The following CCDC197 variants were observed in gnomAD, a reference collection of about 807,000 sequenced individuals.
CCDC197 encodes coiled-coil domain containing 197.
A neutral mutation model predicts 13.4 loss-of-function variants in CCDC197; 24 were observed. The ratio of observed to expected loss-of-function variants is 1.80; its 90% CI spans 1.30 to 2.53. The LOEUF (loss-of-function observed/expected upper bound fraction) is 2.53, where lower values mean the gene tolerates loss of function less well. CCDC197 is among the 30% of genes most tolerant of loss of function. The pLI is 0.00. For synonymous variants in CCDC197, 99 were observed against 55.5 expected (o/e 1.78, Z -3.48); for missense variants, 255 against 148.8 (o/e 1.71, Z -3.71).
chr14:94,001,233 G>A lies in CCDC197; in HGVS notation c.276G>A (p.Thr92=), dbSNP rs150523082. 67 of 780,910 alleles carry A rather than the reference G, an allele frequency of 8.6e-5. No homozygotes were observed. Among genetic ancestry groups the A allele is most frequent in the African/African-American group, 5.6e-4 (33 of 59,282 alleles). The allele number at this position is 780,910 out of a possible 1,614,324, so 48.4% of individuals were successfully genotyped here. Residue 92 remains threonine, a synonymous_variant, in exon 4 of 7, where the codon ACG becomes ACA. Coordinates refer to ENST00000636493, the MANE Select transcript of CCDC197 (RefSeq NM_001351596.2). ...YGKLFTASQD[T]QKRLEAFCQM... Reference sequence around the variant, plus strand: ...AGCTCTTCACAGCCAGCCAGGACACGCAGAAGCGCCTCGAGGCCTTCTGCC... The same window carrying A: ...AGCTCTTCACAGCCAGCCAGGACACACAGAAGCGCCTCGAGGCCTTCTGCC...
upstream of CCDC197, among the ~76,000 whole-genome samples, chr14:93,995,211 T>A (rs1019833498): frequency 1.2e-4 from 19 of 152,284 alleles, no homozygotes; most frequent in African/African-American, 4.6e-4. Flanking sequence ...GAGATGATGA[T>A]GAAGCTGCCT....
At position 94,008,337 on chromosome 14, in the gene CCDC197, G is replaced by A. The variant is rs116926437; in HGVS notation, c.616-272G>A. Among the ~76,000 whole-genome samples the A allele has an allele frequency of 3.2e-3, 492 of 152,314 alleles. 18 individuals carry two copies. The East Asian group carries it at 0.076, about 23-fold the overall frequency. On this transcript the variant is annotated intron_variant, in intron 6 of 6. Coordinates refer to ENST00000636493, the MANE Select transcript of CCDC197 (RefSeq NM_001351596.2). ...CTTCTTGGAAGAGGCAGTGAGAAGA[G>A]GCAGGCAACCACTTTCAGGAAGTCA...
Position 94,004,857 on chromosome 14 carries a change from T to G in CCDC197, c.501T>G (p.Asp167Glu). Residue 167 changes from aspartate (D) to glutamate (E), a missense_variant and splice_region_variant, in exon 6 of 7, where the codon GAT becomes GAG. Asp to Glu is a conservative substitution (Grantham distance 45, BLOSUM62 2). Transcript: ENST00000636493. ...CCTCCTCCTTCTCTTTCCTGCAGGA[T>G]CAGCTGCTCGGCTACATGCAAATGA... is the stretch of plus-strand genomic sequence containing the variant. ...FDTHTSSSYN[D>E]QLLGYMQMTI... is the part of the protein sequence containing the mutation. 1 of 702,926 alleles carries G rather than the reference T, an allele frequency of 1.4e-6. No individual in the cohort carries two copies. Among genetic ancestry groups the G allele is most frequent in the South Asian group, 1.5e-5 (1 of 67,572 alleles). The allele number at this position is 702,926 out of a possible 1,614,324, so 43.5% of individuals were successfully genotyped here.
At position 94,008,769 on chromosome 14, in the gene CCDC197, C is replaced by G. The variant is rs762294014; in HGVS notation, c.776C>G (p.Pro259Arg). Residue 259 changes from proline (P) to arginine (R), a missense_variant, in exon 7 of 7, where the codon CCC becomes CGC. Coordinates refer to ENST00000636493, the MANE Select transcript of CCDC197 (RefSeq NM_001351596.2). ...PRRRVSTPRT[P>R]FPSPHASECS... is the part of the protein sequence containing the mutation. ...AGGCGGGTTTCCACCCCCAGGACCC[C>G]CTTTCCCAGCCCCCATGCTTCAGAG... The G allele has an allele frequency of 7.1e-6, 5 of 702,544 alleles. No individual in the cohort carries two copies. The highest frequency in any genetic ancestry group is 1.3e-5 in the Non-Finnish European group (5 of 385,016). The allele number at this position is 702,544 out of a possible 1,614,324, so 43.5% of individuals were successfully genotyped here. A position where few individuals can be genotyped will look rare whatever the true frequency, so the allele number is the denominator to read the frequency against.
chr14:93,990,347 C>T (rs1890187356), intron 1 of CCDC197, among the ~76,000 whole-genome samples: 1 of 152,186 alleles, frequency 6.6e-6, no homozygotes, highest in Non-Finnish European at 1.5e-5. Context: ...TCCTGGTCTT[C>T]CTCCTTCTTC....
chr14:93,992,752 C>A (rs571601041), upstream of CCDC197, among the ~76,000 whole-genome samples: 4 of 152,332 alleles, frequency 2.6e-5, no homozygotes, highest in African/African-American at 9.6e-5. Flanking sequence ...CTGGAGACAG[C>A]CTTACAGTGT....
In CCDC197 at chr14:93,997,383, C is replaced by G. The variant is rs964907701; in HGVS notation, c.-322C>G. ...AAAGACTGACCTTGTAGCCCCTCAC[C>G]TTCTCTCCCCAATGCACTGGGCTGG... On this transcript the variant is annotated 5_prime_UTR_variant, in exon 1 of 7. Coordinates refer to ENST00000636493, the MANE Select transcript of CCDC197 (RefSeq NM_001351596.2). The G allele has an allele frequency of 6.6e-6, 1 of 152,254 alleles. No homozygotes were observed. Among genetic ancestry groups the G allele is most frequent in the Admixed American group, 6.5e-5 (1 of 15,288 alleles). 9.4% of individuals were successfully genotyped at this position (152,254 alleles called of 1,614,324 possible). A position where few individuals can be genotyped will look rare whatever the true frequency, so the allele number is the denominator to read the frequency against.
chr14:94,008,907 G>C, downstream of CCDC197: 1 of 623,826 alleles, frequency 1.6e-6, no homozygotes, highest in Non-Finnish European at 2.9e-6. Context: ...CAGTGGGAGA[G>C]AGTCTGGGGG....
intron 2 of CCDC197, 132 bp from the exon 3 acceptor site, chr14:93,999,451 T>G: frequency 1.1e-5 from 7 of 653,248 alleles, no homozygotes; most frequent in Non-Finnish European, 1.6e-5. Flanking sequence ...TATGGCCAAC[T>G]GATAAAGTGG....
At chr14:93,988,763 G>C (rs866689948) in intron 1 of CCDC197, among the ~76,000 whole-genome samples, 2 of 118,786 alleles carry the variant, frequency 1.7e-5, no homozygotes, top group African/African-American at 6.8e-5. Flanking sequence ...AGGAGGGGTT[G>C]GGAGAGGGAA....
At chr14:93,994,165 C>T (rs1230409408), upstream of CCDC197, among the ~76,000 whole-genome samples, 5 of 152,140 alleles carry the variant, frequency 3.3e-5, no homozygotes, top group Non-Finnish European at 7.3e-5. Context: ...CACATCCCAG[C>T]GTGGGTCGTA....
chr14:93,988,424 C>G (rs1195754033), intron 1 of CCDC197, among the ~76,000 whole-genome samples: 3 of 52,154 alleles, frequency 5.8e-5, no homozygotes, highest in Non-Finnish European at 1.1e-4. Flanking sequence ...ATGGGAGGAG[C>G]AGATGGGAGG....
intron 4 of CCDC197, 36 bp downstream of exon 4, chr14:94,001,359 G>T: frequency 1.4e-6 from 1 of 712,714 alleles, no homozygotes. Context: ...ATTCCCCGTG[G>T]CCCAGGGAGC....
intron 2 of CCDC197, 118 bp from the exon 3 acceptor site, chr14:93,999,465 G>A: frequency 5.8e-6 from 4 of 687,878 alleles, no homozygotes; most frequent in South Asian, 3.3e-5. Context: ...AAAGTGGTAC[G>A]TGGCCGGCCC....
In CCDC197 at chr14:94,003,334, C is replaced by T. The variant is rs1234530802; in HGVS notation, c.478C>T (p.His160Tyr). The change falls in exon 5 of 7, where the codon CAC (histidine) becomes TAC (tyrosine). Residue 160 changes from histidine to tyrosine, a missense_variant. Coordinates refer to ENST00000636493, the MANE Select transcript of CCDC197 (RefSeq NM_001351596.2). This position sits in a 1 kb window ranked among gnomAD's most constrained non-coding sequence, Gnocchi z 5.0. The part of the protein sequence containing the change: ...TYQKDIDFDT[H>Y]TSSSYNDQLL... Reference sequence around the variant, plus strand: ...CCAGAAGGACATTGACTTTGACACACACACCAGCAGCAGCTATAATGTGAG... The same window carrying T: ...CCAGAAGGACATTGACTTTGACACATACACCAGCAGCAGCTATAATGTGAG... 5.3e-6 allele frequency: 4 copies of T among 749,302 alleles called. No individual in the cohort carries two copies. The highest frequency in any genetic ancestry group is 2.7e-5 in the South Asian group (2 of 73,820). The allele number at this position is 749,302 out of a possible 1,614,324, so 46.4% of individuals were successfully genotyped here.
chr14:93,989,331 G>A lies in CCDC197; in HGVS notation c.-107+1935G>A, dbSNP rs116234691. Among the ~76,000 whole-genome samples the A allele has an allele frequency of 4.6e-3, 707 of 152,222 alleles. 11 individuals carry two copies. Among genetic ancestry groups the A allele is most frequent in the African/African-American group, 0.016 (669 of 41,526 alleles). ...GAAGCACAGACTGTATGAAAATTTC[G>A]GGCTGCTCTGTGATGCAGTGACATC... is the stretch of plus-strand genomic sequence containing the variant. On this transcript the variant is annotated intron_variant, in intron 1 of 7. Transcript: ENST00000640978.
chr14:93,998,307 G>A, intron 2 of CCDC197, 72 bp downstream of exon 2: 1 of 734,296 alleles, frequency 1.4e-6, no homozygotes, highest in South Asian at 1.4e-5. Context: ...GCTGGACTTA[G>A]CAAACATGTC....
At chr14:93,988,643 G>A (rs1382513749) in intron 1 of CCDC197, among the ~76,000 whole-genome samples, 4 of 43,794 alleles carry the variant, frequency 9.1e-5, no homozygotes, top group African/African-American at 4.0e-4. Flanking sequence ...GGGGATGGGA[G>A]GAGGGGATGG....
At chr14:93,993,661 C>G (rs1890242104), upstream of CCDC197, among the ~76,000 whole-genome samples, 1 of 152,224 alleles carries the variant, frequency 6.6e-6, no homozygotes, top group Non-Finnish European at 1.5e-5. Flanking sequence ...TGATCAGGCC[C>G]TTCCTTCTGC....
Sources: allele counts gnomAD v4.1 joint callset (sites outside exome capture counted in the v4.1 genomes callset), GRCh38; gene constraint gnomAD v4.1.1; non-coding constraint Gnocchi (gnomAD v3.1); transcripts MANE v1.5; gene names NCBI Gene and HGNC (gene_info 2026-07-23, HGNC 2026-07-21).